ADAMTS17: variants seen among roughly 807,000 people sequenced by gnomAD.
ADAMTS17 encodes A disintegrin and metalloproteinase with thrombospondin motifs 17.
In ADAMTS17, 113 loss-of-function variants were observed where a neutral mutation model predicts 141.5. The ratio of observed to expected loss-of-function variants is 0.80; its 90% confidence interval spans 0.69 to 0.93. The LOEUF is 0.93. Ranked by LOEUF, ADAMTS17 falls within the 40% of genes least tolerant of loss-of-function variation. ADAMTS17 has a pLI of 0.00. For synonymous variants in ADAMTS17, 768 were observed against 630.6 expected (o/e 1.22, Z -3.27); for missense variants, 1,659 against 1,517.9 (o/e 1.09, Z -1.54).
intron 3 of ADAMTS17, among the ~76,000 whole-genome samples, chr15:100,321,759 T>C (rs545863853): frequency 6.6e-6 from 1 of 152,192 alleles, no homozygotes; most frequent in Non-Finnish European, 1.5e-5. Context: ...GTTATGAGAT[T>C]TTTAATATAT....
Position 99,972,922 on chromosome 15 carries a change from A to C in ADAMTS17, c.*1480T>G, listed in dbSNP as rs1717105714. 1 of 152,234 alleles carries C rather than the reference A, an allele frequency of 6.6e-6. No individual in the cohort carries two copies. Among genetic ancestry groups the C allele is most frequent in the African/African-American group, 2.4e-5 (1 of 41,446 alleles). 9.4% of individuals were successfully genotyped at this position (152,234 alleles called of 1,614,324 possible). A position where few individuals can be genotyped will look rare whatever the true frequency, so the allele number is the denominator to read the frequency against. On this transcript the variant is annotated 3_prime_UTR_variant, in exon 22 of 22. Transcript: ENST00000268070. ...CCAATAAATCAAGAAGCACAGGGAGATGATCCCATGGAAGTCCAAGTGAGA... is the reference window on the plus strand; with the variant it reads ...CCAATAAATCAAGAAGCACAGGGAGCTGATCCCATGGAAGTCCAAGTGAGA...
intron 7 of ADAMTS17, among the ~76,000 whole-genome samples, chr15:100,229,993 A>T (rs1474733384): frequency 6.6e-6 from 1 of 152,170 alleles, no homozygotes. Context: ...CACCCACAGC[A>T]CATCAACTAG....
chr15:100,267,729 A>T (rs1357161792), intron 4 of ADAMTS17, among the ~76,000 whole-genome samples: 2 of 152,194 alleles, frequency 1.3e-5, no homozygotes, highest in Admixed American at 6.5e-5. Flanking sequence ...CTTTTAAAAA[A>T]TTTTATTTCT....
intron 3 of ADAMTS17, among the ~76,000 whole-genome samples, chr15:100,291,983 C>T (rs2044638072): frequency 6.6e-6 from 1 of 152,218 alleles, no homozygotes; most frequent in Non-Finnish European, 1.5e-5. Flanking sequence ...AAGGTCAACA[C>T]GGTAGCTCTC....
At chr15:100,335,313 T>C (rs1028558814) in intron 2 of ADAMTS17, among the ~76,000 whole-genome samples, 5 of 151,984 alleles carry the variant, frequency 3.3e-5, no homozygotes. Flanking sequence ...TCTACCCCCA[T>C]CTCTCCCGTA....
At chr15:100,079,366 C>T (rs1257154673) in intron 15 of ADAMTS17, among the ~76,000 whole-genome samples, 1 of 152,096 alleles carries the variant, frequency 6.6e-6, no homozygotes, top group Non-Finnish European at 1.5e-5. Flanking sequence ...TAGTATTTGG[C>T]AATAAAAAGA....
chr15:100,215,541 C>T lies in ADAMTS17; in HGVS notation c.1076-16118G>A, dbSNP rs558339760. On this transcript the variant is annotated intron_variant, in intron 7 of 21. Coordinates refer to ENST00000268070, the MANE Select transcript of ADAMTS17 (RefSeq NM_139057.4). Reference sequence around the variant, plus strand: ...CATGGCCAACAGAGAAGTTGACAGCCCCTAAGATACCTGCCCTGGTCACTG... The same window carrying T: ...CATGGCCAACAGAGAAGTTGACAGCTCCTAAGATACCTGCCCTGGTCACTG... Among the ~76,000 whole-genome samples the T allele has an allele frequency of 7.2e-5, 11 of 152,166 alleles. No homozygotes were observed. The South Asian group carries it at 2.3e-3, about 32-fold the overall frequency.
chr15:100,131,060 C>G (rs553951909), intron 12 of ADAMTS17, among the ~76,000 whole-genome samples: 1 of 152,166 alleles, frequency 6.6e-6, no homozygotes, highest in East Asian at 1.9e-4. Context: ...GGTTCATGTC[C>G]TTTGCAGGGA....
chr15:100,111,679 C>T (rs2036791430), intron 13 of ADAMTS17, among the ~76,000 whole-genome samples: 1 of 152,228 alleles, frequency 6.6e-6, no homozygotes, highest in Non-Finnish European at 1.5e-5. Flanking sequence ...TGACTCAGTA[C>T]TGGGAGTAAT....
intron 15 of ADAMTS17, among the ~76,000 whole-genome samples, chr15:100,069,412 G>C (rs2033804570): frequency 1.3e-5 from 2 of 152,126 alleles, no homozygotes; most frequent in African/African-American, 2.4e-5. Context: ...GATACTCCTT[G>C]AGAAGAGTAA....
chr15:99,990,112 T>G (rs1343522304), intron 20 of ADAMTS17, among the ~76,000 whole-genome samples: 3 of 152,228 alleles, frequency 2.0e-5, no homozygotes, highest in Admixed American at 2.0e-4. Context: ...AATGGCTCAC[T>G]GTAGCTTCGA....
chr15:100,285,762 T>G (rs2044426647), intron 3 of ADAMTS17, among the ~76,000 whole-genome samples: 1 of 152,158 alleles, frequency 6.6e-6, no homozygotes, highest in Non-Finnish European at 1.5e-5. Flanking sequence ...GACTCCAGCC[T>G]GTGTGGAGCC....
intron 3 of ADAMTS17, among the ~76,000 whole-genome samples, chr15:100,281,950 C>CT (rs2044299845): frequency 2.0e-5 from 3 of 152,138 alleles, no homozygotes; most frequent in Admixed American, 6.5e-5. Flanking sequence ...GAAAATCATA[C>CT]GACCCACATC....
intron 11 of ADAMTS17, among the ~76,000 whole-genome samples, 160 bp from the exon 12 acceptor site, chr15:100,132,312 A>G (rs2141240561): frequency 1.3e-5 from 2 of 152,376 alleles, no homozygotes; most frequent in South Asian, 2.1e-4. Context: ...TTTTAGAGAC[A>G]TGCCTTACTT....
chr15:100,171,850 A>G (rs1304957473), intron 8 of ADAMTS17, among the ~76,000 whole-genome samples: 2 of 152,150 alleles, frequency 1.3e-5, no homozygotes, highest in Admixed American at 1.3e-4. Flanking sequence ...GCTGCTAAGA[A>G]CTTCTTTTAA....
intron 20 of ADAMTS17, among the ~76,000 whole-genome samples, chr15:99,986,623 C>T (rs928423350): frequency 7.2e-5 from 11 of 152,140 alleles, no homozygotes; most frequent in African/African-American, 2.7e-4. Context: ...TGTTCTCTTC[C>T]CTTGGTCTGT....
chr15:100,128,535 T>A (rs1446738723), intron 12 of ADAMTS17: 3 of 152,126 alleles, frequency 2.0e-5, no homozygotes, highest in Non-Finnish European at 4.4e-5. Flanking sequence ...AATTCTCCCA[T>A]TCCTCAATGA....
intron 13 of ADAMTS17, 51 bp from the exon 14 acceptor site, chr15:100,109,167 C>A: frequency 6.4e-7 from 1 of 1,564,190 alleles, no homozygotes; most frequent in Non-Finnish European, 8.7e-7. Flanking sequence ...GTGCGTGGGC[C>A]ATGCAGGGCA....
At chr15:100,056,698 G>A (rs1309799034) in intron 15 of ADAMTS17, among the ~76,000 whole-genome samples, 4 of 152,082 alleles carry the variant, frequency 2.6e-5, no homozygotes, top group East Asian at 1.9e-4. Flanking sequence ...CTGCTGGTCC[G>A]CAACCTGGGG....
Sources: allele counts gnomAD v4.1 joint callset (sites outside exome capture counted in the v4.1 genomes callset), GRCh38; gene constraint gnomAD v4.1.1; transcripts MANE v1.5; gene names NCBI Gene and HGNC (gene_info 2026-07-23, HGNC 2026-07-21).